CRYL1: variants seen among roughly 807,000 people sequenced by gnomAD.
CRYL1 encodes the protein lambda-crystallin homolog.
Under a neutral mutation model 36.6 loss-of-function variants are expected in CRYL1, and 29 were observed. The ratio of observed to expected loss-of-function variants is 0.79; its 90% CI spans 0.59 to 1.08. The LOEUF (loss-of-function observed/expected upper bound fraction) is 1.08, where lower values mean the gene tolerates loss of function less well. Among genes scored for constraint, CRYL1 ranks in the 50% least tolerant of loss-of-function variants. CRYL1 has a pLI of 0.00. For synonymous variants in CRYL1, 152 were observed against 151.5 expected, an observed-to-expected ratio of 1.00 and a Z score of -0.02; for missense variants, 411 against 407.9, an observed-to-expected ratio of 1.01 and a Z score of -0.06.
At chr13:20,440,143 T>A (rs2032321975) in intron 3 of CRYL1, among the ~76,000 whole-genome samples, 1 of 152,214 alleles carries the variant, frequency 6.6e-6, no homozygotes, top group African/African-American at 2.4e-5. Context: ...ATCGTACCCC[T>A]TTGTCCTGTC....
intron 3 of CRYL1, among the ~76,000 whole-genome samples, chr13:20,477,812 T>C (rs567387150): frequency 1.6e-3 from 240 of 146,076 alleles, no homozygotes; most frequent in Non-Finnish European, 3.1e-3. Flanking sequence ...TGTATTCTAT[T>C]ATATATTATA....
In CRYL1 at chr13:20,420,701, T is replaced by TTTTTTGTGTGTG; in HGVS notation, c.634-7315_634-7314insCACACACAAAAA. Among the ~76,000 whole-genome samples, 125 of 21,872 alleles carry TTTTTTGTGTGTG rather than the reference T, an allele frequency of 5.7e-3. 30 individuals are homozygous for TTTTTTGTGTGTG. Among genetic ancestry groups the TTTTTTGTGTGTG allele is most frequent in the Admixed American group, 0.022 (64 of 2,874 alleles). 14.3% of individuals were successfully genotyped at this position (21,872 alleles called of 152,430 possible). ...CTTTGACTTTTCTTTAAAATAGAGG[T>TTTTTTGTGTGTG]TGTGTGTGTGTGTGTGTGTGTGTGT... On this transcript the variant is annotated intron_variant, in intron 5 of 7. Coordinates refer to ENST00000298248, the MANE Select transcript of CRYL1 (RefSeq NM_015974.3).
intron 6 of CRYL1, among the ~76,000 whole-genome samples, chr13:20,405,241 G>T (rs150221922): frequency 0.012 from 1,888 of 151,856 alleles, 105 homozygotes; most frequent in Admixed American, 0.092. Flanking sequence ...ACTGTACTCC[G>T]GCCTGGGCAA....
intron 3 of CRYL1, 64 bp downstream of exon 3, chr13:20,489,306 T>C (rs566226304): frequency 1.3e-6 from 2 of 1,599,164 alleles, no homozygotes; most frequent in East Asian, 2.2e-5. Context: ...GCCCTGTTCC[T>C]CCGGAGAGGC....
chr13:20,427,926 G>A (rs1419774738), intron 5 of CRYL1, among the ~76,000 whole-genome samples: 1 of 151,362 alleles, frequency 6.6e-6, no homozygotes, highest in Non-Finnish European at 1.5e-5. Context: ...AGAAGAAATG[G>A]ACCAATTTCT....
intron 3 of CRYL1, among the ~76,000 whole-genome samples, chr13:20,456,673 A>ACC (rs1303759005): frequency 2.0e-5 from 3 of 148,528 alleles, no homozygotes; most frequent in African/African-American, 7.5e-5. Context: ...ACACACACAC[A>ACC]CACACCCCAG....
chr13:20,461,962 T>G (rs9579866), intron 3 of CRYL1, among the ~76,000 whole-genome samples: 27 of 24,146 alleles, frequency 1.1e-3, no homozygotes, highest in Middle Eastern at 0.024. Context: ...GAGGAGGAGG[T>G]GGGAGGGCAG....
intron 3 of CRYL1, among the ~76,000 whole-genome samples, chr13:20,463,248 T>C (rs1009346720): frequency 3.3e-5 from 5 of 152,248 alleles, no homozygotes; most frequent in African/African-American, 1.2e-4. Context: ...GTCAAAAATT[T>C]AGACAAACCT....
In CRYL1 at chr13:20,490,922, T is replaced by TGATCC. The variant is rs1179688867; in HGVS notation, c.150-1427_150-1426insGGATC. On this transcript the variant is annotated intron_variant, in intron 2 of 7. Transcript: ENST00000298248. The stretch of plus-strand genomic sequence containing the variant: ...TTGATTTTTTGCTTTGTTTTGTTTT[T>TGATCC]TGAGACAGGATCCTGCTCTGTCGCC... Among the ~76,000 whole-genome samples, 1,299 of 152,330 alleles carry TGATCC rather than the reference T, an allele frequency of 8.5e-3. 11 individuals carry two copies. Among genetic ancestry groups the TGATCC allele is most frequent in the African/African-American group, 0.022 (895 of 41,566 alleles).
intron 6 of CRYL1, 152 bp from the exon 7 acceptor site, chr13:20,404,893 T>C (rs1331138748): frequency 2.1e-5 from 13 of 622,128 alleles, no homozygotes; most frequent in African/African-American, 5.5e-5. Context: ...CTGGGGCATG[T>C]GTAAGGGCCT....
chr13:20,458,210 A>G (rs2032729047), intron 3 of CRYL1, among the ~76,000 whole-genome samples: 1 of 152,260 alleles, frequency 6.6e-6, no homozygotes, highest in Non-Finnish European at 1.5e-5. Context: ...TAGCACAATC[A>G]TAGACAATTC....
intron 3 of CRYL1, among the ~76,000 whole-genome samples, chr13:20,468,687 C>T (rs2032992333): frequency 6.6e-6 from 1 of 152,078 alleles, no homozygotes; most frequent in Non-Finnish European, 1.5e-5. Flanking sequence ...CTCACTGCAA[C>T]CTCTGCCTCC....
chr13:20,495,899 G>A (rs1312898729), intron 2 of CRYL1, among the ~76,000 whole-genome samples: 1 of 152,168 alleles, frequency 6.6e-6, no homozygotes, highest in African/African-American at 2.4e-5. Context: ...CCGGCTTCAG[G>A]CGATTCTCCT....
chr13:20,516,190 CAAA>C (rs35780379), intron 1 of CRYL1, among the ~76,000 whole-genome samples: 1 of 73,292 alleles, frequency 1.4e-5, no homozygotes, highest in South Asian at 7.0e-4. Flanking sequence ...AACTCCATCT[CAAA>C]AAAAAAAAAA....
At chr13:20,472,671 G>T (rs2033085014) in intron 3 of CRYL1, among the ~76,000 whole-genome samples, 2 of 152,188 alleles carry the variant, frequency 1.3e-5, no homozygotes, top group African/African-American at 4.8e-5. Flanking sequence ...ATAGCTTAAG[G>T]ACAGCGCGTG....
rs1032843927 is a variant in CRYL1 at position 20,430,075 on chromosome 13, C to T, written c.633+2027G>A. On this transcript the variant is annotated intron_variant, in intron 5 of 7. Transcript: ENST00000298248. ...AAGCCCCTCATACCCTGGAAGTCATCGCTGTGGGGCTCGGGGTGCCTGGTA... is the reference window on the plus strand; with the variant it reads ...AAGCCCCTCATACCCTGGAAGTCATTGCTGTGGGGCTCGGGGTGCCTGGTA... Among the ~76,000 whole-genome samples, 35 of 152,134 alleles carry T rather than the reference C, an allele frequency of 2.3e-4. 1 individual carries two copies. Among genetic ancestry groups the T allele is most frequent in the Admixed American group, 1.8e-3 (28 of 15,284 alleles).
chr13:20,508,103 C>T (rs781196551), intron 2 of CRYL1, among the ~76,000 whole-genome samples: 2 of 151,968 alleles, frequency 1.3e-5, no homozygotes, highest in Non-Finnish European at 2.9e-5. Context: ...GTGGTGCACA[C>T]CCCTAATCCC....
intron 3 of CRYL1, among the ~76,000 whole-genome samples, chr13:20,440,898 G>A (rs192421709): frequency 1.1e-4 from 16 of 152,326 alleles, no homozygotes; most frequent in Admixed American, 3.3e-4. Context: ...TAGAGTGAGA[G>A]TGAGATGACA....
chr13:20,452,794 C>T (rs556389038), intron 3 of CRYL1, among the ~76,000 whole-genome samples: 23 of 152,226 alleles, frequency 1.5e-4, no homozygotes, highest in Admixed American at 1.1e-3. Context: ...GGAGGCTATA[C>T]ATGCGTAGGG....
Sources: gnomAD v4.1 joint callset for allele counts (sites outside exome capture counted in the v4.1 genomes callset) on GRCh38, gnomAD v4.1.1 for gene constraint, MANE v1.5 for transcripts, NCBI Gene and HGNC (gene_info 2026-07-23, HGNC 2026-07-21) for gene names.